Variants in ARHGAP28 observed in about 807,000 individuals in gnomAD.
The protein encoded by ARHGAP28 is rho GTPase-activating protein 28.
A neutral mutation model predicts 90.7 loss-of-function variants in ARHGAP28; 56 were observed. The ratio of observed to expected loss-of-function variants is 0.62; its 90% CI spans 0.50 to 0.77. The LOEUF is 0.77. Among genes scored for constraint, ARHGAP28 ranks in the 30% least tolerant of loss-of-function variants. ARHGAP28 has a pLI of 0.00. For synonymous variants in ARHGAP28, 308 were observed against 323.3 expected (o/e 0.95, Z 0.51); for missense variants, 869 against 900.9 (o/e 0.96, Z 0.45).
chr18:6,805,396 GT>G (rs766984970), intron 1 of ARHGAP28, among the ~76,000 whole-genome samples: 4 of 149,218 alleles, frequency 2.7e-5, no homozygotes, highest in Non-Finnish European at 4.5e-5. Flanking sequence ...GCATGGCATG[GT>G]TTTTTTATCC....
chr18:6,870,412 A>G (rs2143510436), intron 6 of ARHGAP28, among the ~76,000 whole-genome samples, 178 bp from the exon 7 acceptor site: 1 of 152,344 alleles, frequency 6.6e-6, no homozygotes, highest in East Asian at 1.9e-4. Context: ...GAGGTCTGTG[A>G]TGCGACACTG....
chr18:6,829,390 C>T (rs2056698546), intron 2 of ARHGAP28, among the ~76,000 whole-genome samples: 1 of 152,210 alleles, frequency 6.6e-6, no homozygotes, highest in Non-Finnish European at 1.5e-5. Flanking sequence ...GGCTCCCACT[C>T]TGTACTTTAT....
At position 6,735,639 on chromosome 18, in the gene ARHGAP28, C is replaced by T. The variant is rs192643908; in HGVS notation, c.122+5696C>T. Among the ~76,000 whole-genome samples, 120 of 151,426 alleles carry T rather than the reference C, an allele frequency of 7.9e-4. 1 individual carries two copies. The highest frequency in any genetic ancestry group is 2.7e-3 in the African/African-American group (112 of 41,232). ...GTCTGATTATGGCTCACTGTAGCCTCGACCTCCTGGACCTAAGCAATCCTC... is the reference window on the plus strand; with the variant it reads ...GTCTGATTATGGCTCACTGTAGCCTTGACCTCCTGGACCTAAGCAATCCTC... On this transcript the variant is annotated intron_variant, in intron 1 of 17. Transcript: ENST00000383472.
chr18:6,812,855 T>C (rs929013059), intron 1 of ARHGAP28, among the ~76,000 whole-genome samples: 1 of 152,212 alleles, frequency 6.6e-6, no homozygotes, highest in Admixed American at 6.5e-5. Context: ...TTCTTTGTCA[T>C]GCAGTGAGAG....
chr18:6,755,698 A>AG (rs2056103565), intron 1 of ARHGAP28, among the ~76,000 whole-genome samples: 1 of 152,152 alleles, frequency 6.6e-6, no homozygotes, highest in Non-Finnish European at 1.5e-5. Flanking sequence ...AGCAGGTATA[A>AG]CCTGGGGTTT....
At chr18:6,847,421 C>G (rs1003486193) in intron 3 of ARHGAP28, among the ~76,000 whole-genome samples, 1 of 152,158 alleles carries the variant, frequency 6.6e-6, no homozygotes, top group Non-Finnish European at 1.5e-5. Flanking sequence ...TCTTCTCTCT[C>G]AGTATATTAG....
rs893331051 is a variant in ARHGAP28, at chr18:6,877,524, G to A, written c.1290+1316G>A. ...CCACAGCTGGGAGAGTCGGCTACCTGGGCTTTTGCACGTGAGGGCAAGGTC... is the reference window on the plus strand; with the variant it reads ...CCACAGCTGGGAGAGTCGGCTACCTAGGCTTTTGCACGTGAGGGCAAGGTC... On this transcript the variant is annotated intron_variant, in intron 10 of 17. Transcript: ENST00000383472. 3.9e-5 allele frequency among the ~76,000 whole-genome samples: 6 copies of A among 152,322 alleles called. 1 individual carries two copies. The highest frequency in any genetic ancestry group is 2.0e-4 in the Admixed American group (3 of 15,302).
intron 16 of ARHGAP28, among the ~76,000 whole-genome samples, chr18:6,899,160 G>T (rs531445633): frequency 4.1e-4 from 62 of 152,042 alleles, no homozygotes; most frequent in Non-Finnish European, 8.8e-4. Flanking sequence ...TCTTTCACTA[G>T]AGGCTTATTT....
At chr18:6,812,429 G>A (rs2056563398) in intron 1 of ARHGAP28, among the ~76,000 whole-genome samples, 1 of 152,110 alleles carries the variant, frequency 6.6e-6, no homozygotes, top group African/African-American at 2.4e-5. Flanking sequence ...TCTATTCAAG[G>A]AATGGCTATC....
Position 6,861,159 on chromosome 18 carries a change from C to T in ARHGAP28, c.726+1262C>T, listed in dbSNP as rs1043326802. ...CGTGCCCTGAGGACTTGCCCAGGAT[C>T]CTTTATCTTCCACCACAGCTTGTGG... On this transcript the variant is annotated intron_variant, in intron 5 of 17. Coordinates refer to ENST00000383472, the MANE Select transcript of ARHGAP28 (RefSeq NM_001366230.1). Among the ~76,000 whole-genome samples the T allele has an allele frequency of 2.0e-5, 3 of 152,204 alleles. No homozygotes were observed. In the East Asian group the frequency reaches 5.8e-4, roughly 29 times the overall value.
intron 1 of ARHGAP28, among the ~76,000 whole-genome samples, chr18:6,799,265 T>C (rs897630819): frequency 6.6e-6 from 1 of 152,210 alleles, no homozygotes; most frequent in African/African-American, 2.4e-5. Context: ...AAACATTCCA[T>C]GCTCTTAGAT....
At chr18:6,860,384 A>G (rs1386022749) in intron 5 of ARHGAP28, among the ~76,000 whole-genome samples, 1 of 152,204 alleles carries the variant, frequency 6.6e-6, no homozygotes, top group East Asian at 1.9e-4. Flanking sequence ...GTCTTAAGTA[A>G]CAGAACTTGT....
intron 4 of ARHGAP28, among the ~76,000 whole-genome samples, chr18:6,852,401 G>A (rs779804399): frequency 1.2e-4 from 18 of 152,180 alleles, no homozygotes; most frequent in Non-Finnish European, 1.9e-4. Context: ...TATTTTCAGT[G>A]TCTTAAATGA....
At chr18:6,887,100 CT>C in intron 11 of ARHGAP28, 56 bp from the exon 12 acceptor site, 1 of 1,474,254 alleles carries the variant, frequency 6.8e-7, no homozygotes, top group Non-Finnish European at 9.5e-7. Context: ...GCAAGAAATG[CT>C]GTCAGGATGC....
At chr18:6,733,732 A>G (rs2055902986) in intron 1 of ARHGAP28, among the ~76,000 whole-genome samples, 1 of 152,242 alleles carries the variant, frequency 6.6e-6, no homozygotes, top group Non-Finnish European at 1.5e-5. Context: ...ACTTTTAAGT[A>G]GTTTAAAGCA....
intron 1 of ARHGAP28, among the ~76,000 whole-genome samples, chr18:6,738,580 C>T (rs2055948235): frequency 6.8e-6 from 1 of 146,408 alleles, no homozygotes; most frequent in African/African-American, 2.5e-5. Context: ...AGAAATCTGA[C>T]AGTGGCTAGA....
intron 1 of ARHGAP28, among the ~76,000 whole-genome samples, chr18:6,809,114 G>A (rs1246830878): frequency 1.3e-5 from 2 of 152,168 alleles, no homozygotes; most frequent in Non-Finnish European, 2.9e-5. Flanking sequence ...ATTCCTCTAA[G>A]TAGAAAGCTA....
chr18:6,855,900 C>T (rs1431386), intron 4 of ARHGAP28, among the ~76,000 whole-genome samples: 19,916 of 152,256 alleles, frequency 0.13, 1,877 homozygotes, highest in East Asian at 0.32. Flanking sequence ...CTGCAGCTGA[C>T]GTGCCTGGCT....
At chr18:6,873,179 A>G (rs983163297) in intron 7 of ARHGAP28, among the ~76,000 whole-genome samples, 1 of 152,216 alleles carries the variant, frequency 6.6e-6, no homozygotes, top group Non-Finnish European at 1.5e-5. Context: ...TGCAATGGCA[A>G]TGTTATCATA....
Sources: allele counts gnomAD v4.1 joint callset (sites outside exome capture counted in the v4.1 genomes callset), GRCh38; gene constraint gnomAD v4.1.1; transcripts MANE v1.5; gene names NCBI Gene and HGNC (gene_info 2026-07-23, HGNC 2026-07-21).